COL4A2: variants seen among roughly 807,000 people sequenced by gnomAD.
The protein encoded by COL4A2 is collagen type IV alpha 2 chain, also known as collagen alpha-2(IV) chain.
A neutral mutation model predicts 200.2 loss-of-function variants in COL4A2; 99 were observed. The ratio of observed to expected loss-of-function variants is 0.49; its 90% CI spans 0.42 to 0.58. COL4A2 has a LOEUF of 0.58. Ranked by LOEUF, COL4A2 falls within the 20% of genes least tolerant of loss-of-function variation. The pLI is 0.00. For missense variants in COL4A2, 1,950 were observed against 2,314.1 expected (o/e 0.84, Z 3.23); for synonymous variants, 897 against 900.6 (o/e 1.00, Z 0.07).
At chr13:110,444,093 C>T (rs2139474258) in intron 16 of COL4A2, among the ~76,000 whole-genome samples, 1 of 152,312 alleles carries the variant, frequency 6.6e-6, no homozygotes, top group East Asian at 1.9e-4. Context: ...CTTGGGGTTC[C>T]AGCTGCCTCA....
intron 4 of COL4A2, among the ~76,000 whole-genome samples, chr13:110,409,522 C>G (rs1443586155): frequency 1.3e-5 from 2 of 152,274 alleles, no homozygotes; most frequent in Non-Finnish European, 2.9e-5. Context: ...CGGCTGCACT[C>G]AGTTGTTGCC....
At chr13:110,317,087 GCA>G (rs1434244035) in intron 3 of COL4A2, among the ~76,000 whole-genome samples, 4 of 145,600 alleles carry the variant, frequency 2.7e-5, no homozygotes, top group Admixed American at 6.9e-5. Context: ...CATGCACCCA[GCA>G]CACACATACA....
In COL4A2 at chr13:110,307,721, T is replaced by TG. The variant is rs569672290; in HGVS notation, c.-44-132dup. On this transcript the variant is annotated intron_variant, in intron 1 of 47. Coordinates refer to ENST00000360467, the MANE Select transcript of COL4A2 (RefSeq NM_001846.4). This position sits in a 1 kb window ranked among gnomAD's most constrained non-coding sequence, Gnocchi z 5.0. ...GGAGGCTCTCCTTCTTTCCGGGTCG[T>TG]GGGGGGGACGGCCCTCCGGTCACCC... The TG allele has an allele frequency of 3.4e-5, 26 of 769,228 alleles. No individual in the cohort carries two copies. Among genetic ancestry groups the TG allele is most frequent in the African/African-American group, 8.8e-5 (5 of 56,856 alleles). The allele number at this position is 769,228 out of a possible 1,614,324, so 47.7% of individuals were successfully genotyped here.
At chr13:110,311,094 G>A (rs1035028010) in intron 3 of COL4A2, among the ~76,000 whole-genome samples, 5 of 152,124 alleles carry the variant, frequency 3.3e-5, no homozygotes, top group Admixed American at 1.3e-4. Context: ...GACTAACAGT[G>A]GAGCGGGCAC....
At position 110,430,567 on chromosome 13, in the gene COL4A2, A is replaced by T. The variant is rs201716258; in HGVS notation, c.608A>T (p.His203Leu). 5.0e-4 allele frequency: 807 copies of T among 1,614,222 alleles called. No homozygotes were observed. The highest frequency in any genetic ancestry group is 6.6e-4 in the Non-Finnish European group (779 of 1,180,042). The change falls in exon 10 of 48, where the codon CAT becomes CTT. Residue 203 changes from histidine to leucine, a missense_variant. His to Leu is a moderately conservative substitution (Grantham distance 99, BLOSUM62 -3). Transcript: ENST00000360467. ...GFQGPPGRPG[H>L]VGQMGPVGAP... is the part of the protein sequence containing the mutation. Reference sequence around the variant, plus strand: ...TAGGGACCTCCCGGCCGCCCTGGGCATGTGGGACAGATGGGTCCAGTTGGA... The same window carrying T: ...TAGGGACCTCCCGGCCGCCCTGGGCTTGTGGGACAGATGGGTCCAGTTGGA...
At chr13:110,464,588 C>G (rs1306769663) in intron 24 of COL4A2, among the ~76,000 whole-genome samples, 1 of 147,758 alleles carries the variant, frequency 6.8e-6, no homozygotes, top group African/African-American at 2.5e-5. Context: ...TAGAGCTGGA[C>G]CGGTGTCCCT....
At chr13:110,338,434 T>TG (rs11335478) in intron 3 of COL4A2, among the ~76,000 whole-genome samples, 19,303 of 126,182 alleles carry the variant, frequency 0.15, 1,607 homozygotes, top group Non-Finnish European at 0.2. Flanking sequence ...ATGTTGTGTG[T>TG]GGGGGGGGGT....
chr13:110,488,086 G>A (rs1279359644), intron 34 of COL4A2, among the ~76,000 whole-genome samples: 1 of 152,146 alleles, frequency 6.6e-6, no homozygotes, highest in Non-Finnish European at 1.5e-5. Flanking sequence ...GAGTGCAATG[G>A]CATGATCTTA....
At chr13:110,396,659 C>T (rs1411505798) in intron 4 of COL4A2, among the ~76,000 whole-genome samples, 2 of 152,096 alleles carry the variant, frequency 1.3e-5, no homozygotes, top group Non-Finnish European at 2.9e-5. Context: ...GGGGACTGAC[C>T]ACCCCGTCAT....
At chr13:110,493,305 C>T (rs749371870) in intron 39 of COL4A2, 23 bp downstream of exon 39, 37 of 1,613,036 alleles carry the variant, frequency 2.3e-5, no homozygotes, top group Middle Eastern at 3.3e-4. Context: ...GTCCCAGCCC[C>T]GAGTCCCACG....
chr13:110,484,210 G>T (rs751973487), intron 32 of COL4A2, among the ~76,000 whole-genome samples: 1 of 152,112 alleles, frequency 6.6e-6, no homozygotes, highest in Non-Finnish European at 1.5e-5. Context: ...CCACTGGTGG[G>T]CACGCTCTGT....
At chr13:110,328,705 G>T (rs984601724) in intron 3 of COL4A2, among the ~76,000 whole-genome samples, 1 of 152,170 alleles carries the variant, frequency 6.6e-6, no homozygotes, top group African/African-American at 2.4e-5. Context: ...TGATCCAGGG[G>T]CCCAGAGCAG....
chr13:110,424,499 T>C (rs982332229), intron 4 of COL4A2, among the ~76,000 whole-genome samples: 1 of 124,852 alleles, frequency 8.0e-6, no homozygotes, highest in Non-Finnish European at 1.8e-5. Context: ...CACAATGACA[T>C]GACTTTAGTA....
chr13:110,377,622 C>T (rs944997690), intron 4 of COL4A2, among the ~76,000 whole-genome samples: 3 of 152,170 alleles, frequency 2.0e-5, no homozygotes, highest in African/African-American at 4.8e-5. Flanking sequence ...AAAAGCTTTT[C>T]GAAATAATCC....
At chr13:110,461,972 A>G in intron 22 of COL4A2, 142 bp from the exon 23 acceptor site, 1 of 1,250,118 alleles carries the variant, frequency 8.0e-7, no homozygotes, top group East Asian at 2.5e-5. Flanking sequence ...CCAGCATCGC[A>G]GAAAGTGCTC....
intron 20 of COL4A2, chr13:110,456,882 GTCCGTGGGGCTGA>G (rs1392828263): frequency 2.1e-6 from 1 of 478,146 alleles, no homozygotes; most frequent in Non-Finnish European, 4.2e-6. Flanking sequence ...GACCCCAGGC[GTCCGTGGGGCTGA>G]TGCCGTGCGT....
intron 4 of COL4A2, among the ~76,000 whole-genome samples, chr13:110,369,071 G>T (rs117697405): frequency 6.6e-6 from 1 of 152,114 alleles, no homozygotes; most frequent in Non-Finnish European, 1.5e-5. Flanking sequence ...TTAGCTGGGC[G>T]TGGTGGCACG....
chr13:110,372,447 C>A (rs190635130), intron 4 of COL4A2, among the ~76,000 whole-genome samples: 332 of 152,288 alleles, frequency 2.2e-3, no homozygotes, highest in Admixed American at 3.4e-3. Context: ...TGTAGAGTTT[C>A]TCTTCTCTGG....
At chr13:110,469,095 T>A (rs762576570) in intron 27 of COL4A2, 122 bp from the exon 28 acceptor site, 2 of 1,109,732 alleles carry the variant, frequency 1.8e-6, no homozygotes, top group South Asian at 1.6e-5. Flanking sequence ...CAGGCTGATA[T>A]TCCCCCCAGC....
Sources: gnomAD v4.1 joint callset for allele counts (sites outside exome capture counted in the v4.1 genomes callset) on GRCh38, gnomAD v4.1.1 for gene constraint, Gnocchi (gnomAD v3.1) non-coding constraint, MANE v1.5 for transcripts, NCBI Gene and HGNC (gene_info 2026-07-23, HGNC 2026-07-21) for gene names.